Variants in IL26 observed in about 807,000 individuals in gnomAD.
The protein encoded by IL26 is interleukin-26.
Under a neutral mutation model 21.7 loss-of-function variants are expected in IL26, and 23 were observed. The observed-to-expected ratio is 1.06, with a 90% CI of 0.76 to 1.50. The LOEUF (loss-of-function observed/expected upper bound fraction) is 1.50. Ranked by LOEUF, IL26 falls within the 40% of genes most tolerant of loss-of-function variation. IL26 has a pLI of 0.00. For synonymous variants in IL26, 63 were observed against 67.8 expected, an observed-to-expected ratio of 0.93 and a Z score of 0.34; for missense variants, 204 against 196.0, an observed-to-expected ratio of 1.04 and a Z score of -0.24.
At chr12:68,214,679 G>C (rs190865992) in intron 3 of IL26, among the ~76,000 whole-genome samples, 1 of 152,044 alleles carries the variant, frequency 6.6e-6, no homozygotes, top group East Asian at 1.9e-4. Flanking sequence ...CATTTGCATG[G>C]AATATCTTTT....
Position 68,207,307 on chromosome 12 carries a change from C to A in IL26, c.364-5224G>T, listed in dbSNP as rs11571047. Reference sequence around the variant, plus strand: ...ATGACTTTTCTCTACTTCTTGGGAGCACTTCCAGCATCACCAGTGGCACTT... The same window carrying A: ...ATGACTTTTCTCTACTTCTTGGGAGAACTTCCAGCATCACCAGTGGCACTT... On this transcript the variant is annotated intron_variant, in intron 3 of 4. Transcript: ENST00000229134. 6.9e-3 allele frequency among the ~76,000 whole-genome samples: 1,045 copies of A among 152,294 alleles called. 19 individuals carry two copies. Among genetic ancestry groups the A allele is most frequent in the African/African-American group, 0.025 (1,018 of 41,546 alleles).
At chr12:68,215,945 A>G (rs11570933) in intron 3 of IL26, among the ~76,000 whole-genome samples, 16,316 of 150,696 alleles carry the variant, frequency 0.11, 918 homozygotes, top group Admixed American at 0.13. Context: ...CAGCCTCCCA[A>G]AGTGCTGGGA....
At chr12:68,219,828 A>G (rs1380643297) in intron 3 of IL26, among the ~76,000 whole-genome samples, 1 of 151,960 alleles carries the variant, frequency 6.6e-6, no homozygotes, top group East Asian at 1.9e-4. Context: ...AGCCAGACCC[A>G]TGAGAAAGAA....
At position 68,225,727 on chromosome 12, in the gene IL26, C is replaced by A. The variant is rs749050626; in HGVS notation, c.30G>T (p.Gly10=). Residue 10 remains glycine (G), a synonymous_variant, in exon 1 of 5, where the codon GGG becomes GGT. Transcript: ENST00000229134. The part of the protein sequence containing the change: MLVNFILRC[G]LLLVTLSLAI... ...CAAGAGACAGAGTGACTAACAGCAA[C>A]CCACACCTCAAAATGAAATTCACCA... is the stretch of plus-strand genomic sequence containing the variant. 2 of 1,613,844 alleles carry A rather than the reference C, an allele frequency of 1.2e-6. No homozygotes were observed. Among genetic ancestry groups the A allele is most frequent in the South Asian group, 1.1e-5 (1 of 91,082 alleles).
At chr12:68,224,614 A>G (rs1417726892) in intron 3 of IL26, among the ~76,000 whole-genome samples, 2 of 151,138 alleles carry the variant, frequency 1.3e-5, no homozygotes, top group African/African-American at 4.9e-5. Context: ...AGAGAGAGAA[A>G]GAAAGAAAAG....
rs952199230 is a variant in IL26 at position 68,223,985 on chromosome 12, G to A, written c.363+1164C>T. Among the ~76,000 whole-genome samples the A allele has an allele frequency of 1.3e-4, 19 of 146,154 alleles. No homozygotes were observed. The East Asian group carries it at 2.6e-3, about 20-fold the overall frequency. ...TACTCTGGGCTGAAATTTGGGTTAC[G>A]GAGCACTTTAGTTGACCACAAGAAA... On this transcript the variant is annotated intron_variant, in intron 3 of 4. Coordinates refer to ENST00000229134, the MANE Select transcript of IL26 (RefSeq NM_018402.2).
intron 3 of IL26, among the ~76,000 whole-genome samples, chr12:68,217,639 G>A (rs893437055): frequency 8.5e-5 from 13 of 152,130 alleles, no homozygotes; most frequent in East Asian, 3.9e-4. Context: ...ATGAATTAAC[G>A]GATCTAGACA....
chr12:68,221,404 A>G (rs1869041661), intron 3 of IL26, among the ~76,000 whole-genome samples: 1 of 152,204 alleles, frequency 6.6e-6, no homozygotes, highest in Non-Finnish European at 1.5e-5. Context: ...AAAATGTGGC[A>G]ATTATTTATT....
At chr12:68,208,477 AT>A (rs34169624) in intron 3 of IL26, among the ~76,000 whole-genome samples, 1 of 120,808 alleles carries the variant, frequency 8.3e-6, no homozygotes, top group Non-Finnish European at 1.8e-5. Context: ...GGAAGAAAGC[AT>A]TTTCTTTCTT....
In IL26 at chr12:68,224,432, C is replaced by T. The variant is rs558147795; in HGVS notation, c.363+717G>A. On this transcript the variant is annotated intron_variant, in intron 3 of 4. Coordinates refer to ENST00000229134, the MANE Select transcript of IL26 (RefSeq NM_018402.2). ...ACTGCTTGCTATGACAGTGACCATA[C>T]TGAGGCATCAAATAATTTAGGTACC... Among the ~76,000 whole-genome samples, 3 of 152,108 alleles carry T rather than the reference C, an allele frequency of 2.0e-5. No homozygotes were observed. In the East Asian group the frequency reaches 5.8e-4, roughly 29 times the overall value.
chr12:68,213,052 T>C (rs994048489), intron 3 of IL26, among the ~76,000 whole-genome samples: 1 of 152,094 alleles, frequency 6.6e-6, no homozygotes, highest in Non-Finnish European at 1.5e-5. Context: ...TTCTGAGGTA[T>C]GCCCCTTCTA....
At chr12:68,207,231 T>C (rs899828709) in intron 3 of IL26, among the ~76,000 whole-genome samples, 21 of 152,242 alleles carry the variant, frequency 1.4e-4, no homozygotes, top group African/African-American at 4.8e-4. Context: ...CTCAGCTGCA[T>C]ACCTCACTCT....
At chr12:68,212,001 T>C (rs922316814) in intron 3 of IL26, among the ~76,000 whole-genome samples, 1 of 152,166 alleles carries the variant, frequency 6.6e-6, no homozygotes, top group Non-Finnish European at 1.5e-5. Context: ...TCCAATAGTT[T>C]CATAGTGTTA....
intron 3 of IL26, among the ~76,000 whole-genome samples, chr12:68,218,329 C>A (rs980415383): frequency 5.9e-5 from 9 of 152,088 alleles, no homozygotes; most frequent in African/African-American, 2.2e-4. Flanking sequence ...TAACTCTATT[C>A]CATATGTTCT....
intron 3 of IL26, among the ~76,000 whole-genome samples, chr12:68,206,839 C>T (rs78892716): frequency 0.013 from 2,023 of 152,294 alleles, 61 homozygotes; most frequent in African/African-American, 0.047. Context: ...CATCTGGGAA[C>T]TTGTCTGCTG....
intron 3 of IL26, among the ~76,000 whole-genome samples, chr12:68,219,617 G>GA (rs545784996): frequency 1.7e-4 from 26 of 149,584 alleles, no homozygotes; most frequent in Non-Finnish European, 3.3e-4. Flanking sequence ...TCCAAATAAA[G>GA]AAAAAAAAAT....
chr12:68,216,786 A>G (rs944203208), intron 3 of IL26, among the ~76,000 whole-genome samples: 1 of 152,282 alleles, frequency 6.6e-6, no homozygotes, highest in African/African-American at 2.4e-5. Flanking sequence ...AAAATTAATT[A>G]CATGCAACCG....
intron 3 of IL26, among the ~76,000 whole-genome samples, chr12:68,223,883 G>GTTTTTTTT (rs201652400): frequency 2.4e-5 from 2 of 81,912 alleles, no homozygotes; most frequent in African/African-American, 7.1e-5. Context: ...TAAATTTGGT[G>GTTTTTTTT]GTTTTTTTTT....
At chr12:68,212,636 T>A (rs1241355620) in intron 3 of IL26, among the ~76,000 whole-genome samples, 1 of 152,098 alleles carries the variant, frequency 6.6e-6, no homozygotes, top group Non-Finnish European at 1.5e-5. Flanking sequence ...TTGGTTAAAT[T>A]TATTCCTAGT....
Sources: gnomAD v4.1 joint callset for allele counts (sites outside exome capture counted in the v4.1 genomes callset) on GRCh38, gnomAD v4.1.1 for gene constraint, MANE v1.5 for transcripts, NCBI Gene and HGNC (gene_info 2026-07-23, HGNC 2026-07-21) for gene names.